ERBB4: variants seen among roughly 807,000 people sequenced by gnomAD.
The protein encoded by ERBB4 is receptor tyrosine-protein kinase erbB-4.
Under a neutral mutation model 158.0 loss-of-function variants are expected in ERBB4, and 42 were observed. That is an observed-to-expected ratio of 0.27 (90% CI 0.21 to 0.34). The LOEUF is 0.34. Ranked by LOEUF, ERBB4 falls within the 10% of genes least tolerant of loss-of-function variation. The pLI is 1.00. For synonymous variants in ERBB4, 583 were observed against 558.7 expected (o/e 1.04, Z -0.61); for missense variants, 1,333 against 1,624.1 (o/e 0.82, Z 3.08).
At chr2:211,754,167 CT>C (rs1343103398) in intron 4 of ERBB4, among the ~76,000 whole-genome samples, 9 of 152,066 alleles carry the variant, frequency 5.9e-5, no homozygotes, top group Non-Finnish European at 1.3e-4. Context: ...GCCAAAAGTC[CT>C]GATTTCATCT....
At chr2:211,637,083 T>C (rs2070390564) in intron 16 of ERBB4, among the ~76,000 whole-genome samples, 2 of 151,964 alleles carry the variant, frequency 1.3e-5, no homozygotes, top group Admixed American at 1.3e-4. Flanking sequence ...TATTTCATTT[T>C]AAAAATATAA....
intron 25 of ERBB4, among the ~76,000 whole-genome samples, chr2:211,411,304 G>T (rs2063256382): frequency 6.6e-6 from 1 of 151,902 alleles, no homozygotes; most frequent in African/African-American, 2.4e-5. Context: ...AAAAGACATT[G>T]CAAAAAAAGG....
At chr2:211,678,313 AC>A (rs1266847370) in intron 13 of ERBB4, among the ~76,000 whole-genome samples, 90 of 12,158 alleles carry the variant, frequency 7.4e-3, no homozygotes, top group Non-Finnish European at 0.014. Context: ...AAAAAAACAA[AC>A]AAACAAAAAA....
At chr2:212,430,563 C>T (rs2092006153) in intron 1 of ERBB4, among the ~76,000 whole-genome samples, 1 of 151,980 alleles carries the variant, frequency 6.6e-6, no homozygotes. Flanking sequence ...GCCTCAGCCT[C>T]CCAAGTAGCT....
chr2:212,235,387 T>C (rs142656141), intron 1 of ERBB4, among the ~76,000 whole-genome samples: 4,012 of 152,264 alleles, frequency 0.026, 170 homozygotes, highest in African/African-American at 0.091. Flanking sequence ...AGCTTTGTAG[T>C]ATTGCTTGAA....
At chr2:211,832,339 C>T (rs12473270) in intron 3 of ERBB4, among the ~76,000 whole-genome samples, 32,640 of 151,814 alleles carry the variant, frequency 0.21, 3,647 homozygotes, top group South Asian at 0.33. Context: ...TAATAAGATA[C>T]GTTTAGAGCA....
rs528534868 is a variant in ERBB4 at position 212,171,240 on chromosome 2, A to G, written c.83-46337T>C. ...GACTTGCATGGGGCCTGTATCCCCT[A>G]TGTTTTGGCCAATTTCTCCCATTTG... On this transcript the variant is annotated intron_variant, in intron 1 of 27. Transcript: ENST00000342788. 5.3e-4 allele frequency among the ~76,000 whole-genome samples: 81 copies of G among 151,806 alleles called. 1 individual carries two copies. Among genetic ancestry groups the G allele is most frequent in the Non-Finnish European group, 8.5e-4 (58 of 67,952 alleles).
At chr2:211,956,530 C>A (rs966389993) in intron 2 of ERBB4, among the ~76,000 whole-genome samples, 13 of 151,972 alleles carry the variant, frequency 8.6e-5, no homozygotes, top group African/African-American at 2.7e-4. Flanking sequence ...CACTTATTGA[C>A]CTTGCGCAAA....
At chr2:211,526,410 A>T (rs72939462) in intron 20 of ERBB4, among the ~76,000 whole-genome samples, 29,121 of 151,980 alleles carry the variant, frequency 0.19, 3,535 homozygotes, top group East Asian at 0.46. Context: ...CTGAAAGAAC[A>T]AGCACATTAC....
At chr2:211,987,970 A>G (rs768933944) in intron 2 of ERBB4, among the ~76,000 whole-genome samples, 1 of 152,078 alleles carries the variant, frequency 6.6e-6, no homozygotes, top group Non-Finnish European at 1.5e-5. Context: ...CTGTGACTTC[A>G]TTTTTCTCAA....
At chr2:211,411,710 C>T (rs890239923) in intron 25 of ERBB4, among the ~76,000 whole-genome samples, 2 of 152,104 alleles carry the variant, frequency 1.3e-5, no homozygotes, top group African/African-American at 2.4e-5. Flanking sequence ...CTTGGCTAAA[C>T]GTTCAAAAAT....
At chr2:212,356,766 C>T (rs978311159) in intron 1 of ERBB4, among the ~76,000 whole-genome samples, 71 of 151,786 alleles carry the variant, frequency 4.7e-4, no homozygotes, top group African/African-American at 1.5e-3. Context: ...AACTTTTATC[C>T]TAATAGTATG....
intron 20 of ERBB4, among the ~76,000 whole-genome samples, chr2:211,461,629 G>T (rs2064532610): frequency 6.6e-6 from 1 of 151,942 alleles, no homozygotes; most frequent in Non-Finnish European, 1.5e-5. Flanking sequence ...GGGGAAAGAG[G>T]GGCCACAAGA....
intron 13 of ERBB4, among the ~76,000 whole-genome samples, chr2:211,676,712 G>T (rs2072088771): frequency 6.6e-6 from 1 of 152,060 alleles, no homozygotes; most frequent in East Asian, 1.9e-4. Context: ...TACACAAAAT[G>T]ATTTCTATAA....
intron 20 of ERBB4, among the ~76,000 whole-genome samples, chr2:211,518,427 G>A (rs930545309): frequency 8.5e-5 from 13 of 152,162 alleles, no homozygotes; most frequent in Non-Finnish European, 1.5e-4. Flanking sequence ...AGGCCAAGGC[G>A]GGCAGATCAC....
chr2:212,368,727 T>C lies in ERBB4; in HGVS notation c.82+169722A>G, dbSNP rs572834322. Among the ~76,000 whole-genome samples, 6 of 152,246 alleles carry C rather than the reference T, an allele frequency of 3.9e-5. No homozygotes were observed. The South Asian group carries it at 8.3e-4, about 21-fold the overall frequency. On this transcript the variant is annotated intron_variant, in intron 1 of 27. Transcript: ENST00000342788. ...AGGCTAGCTAAATATAAGACACATA[T>C]ACCACCACTCTTTTTTCCCATGCCC... is the stretch of plus-strand genomic sequence containing the variant.
At chr2:211,681,529 A>T (rs537040628) in intron 12 of ERBB4, among the ~76,000 whole-genome samples, 1 of 152,276 alleles carries the variant, frequency 6.6e-6, no homozygotes, top group African/African-American at 2.4e-5. Context: ...ACCAACACTG[A>T]TGTGGTCAGT....
Position 211,772,854 on chromosome 2 carries a change from T to TATACAC in ERBB4, c.556+15170_556+15171insGTGTAT, listed in dbSNP as rs1553629940. On this transcript the variant is annotated intron_variant, in intron 4 of 27. Transcript: ENST00000342788. Reference sequence around the variant, plus strand: ...ATATATACACATATATATATATATATATATATATATATATACACATATATA... The same window carrying TATACAC: ...ATATATACACATATATATATATATATATACACATATATATATATATACACATATATA... Among the ~76,000 whole-genome samples the TATACAC allele has an allele frequency of 1.5e-3, 91 of 59,674 alleles. 3 individuals carry two copies. The highest frequency in any genetic ancestry group is 6.8e-3 in the African/African-American group (91 of 13,350). 39.1% of individuals were successfully genotyped at this position (59,674 alleles called of 152,430 possible). A position where few individuals can be genotyped will look rare whatever the true frequency, so the allele number is the denominator to read the frequency against.
chr2:211,666,360 A>G (rs1212173672), intron 14 of ERBB4, among the ~76,000 whole-genome samples: 6 of 152,164 alleles, frequency 3.9e-5, no homozygotes, highest in Non-Finnish European at 8.8e-5. Flanking sequence ...AATAAATGCA[A>G]ATAGAACAAA....
Sources: gnomAD v4.1 joint callset for allele counts (sites outside exome capture counted in the v4.1 genomes callset) on GRCh38, gnomAD v4.1.1 for gene constraint, MANE v1.5 for transcripts, NCBI Gene and HGNC (gene_info 2026-07-23, HGNC 2026-07-21) for gene names.